The following TMEM132D variants were observed in gnomAD, a reference collection of about 807,000 sequenced individuals.
TMEM132D encodes mature OL transmembrane protein.
In TMEM132D, 21 loss-of-function variants were observed where a neutral mutation model predicts 62.3. The observed-to-expected ratio is 0.34, with a 90% CI of 0.24 to 0.49. The LOEUF (loss-of-function observed/expected upper bound fraction) is 0.49. TMEM132D is among the 20% of genes least tolerant of loss of function. The pLI is 0.99. For synonymous variants in TMEM132D, 621 were observed against 575.6 expected, an observed-to-expected ratio of 1.08 and a Z score of -1.13; for missense variants, 1,346 against 1,402.8, an observed-to-expected ratio of 0.96 and a Z score of 0.65.
chr12:129,616,480 C>G (rs1398482839), intron 2 of TMEM132D, among the ~76,000 whole-genome samples: 1 of 152,114 alleles, frequency 6.6e-6, no homozygotes, highest in Non-Finnish European at 1.5e-5. Flanking sequence ...TGTTCCCACC[C>G]AAATCTCATC....
At chr12:129,851,880 T>A (rs1183024003) in intron 1 of TMEM132D, among the ~76,000 whole-genome samples, 1 of 152,240 alleles carries the variant, frequency 6.6e-6, no homozygotes, top group African/African-American at 2.4e-5. Context: ...AAACTTTGTG[T>A]TTGCCCACCA....
At chr12:129,208,132 A>G (rs986565437) in intron 5 of TMEM132D, among the ~76,000 whole-genome samples, 1 of 152,108 alleles carries the variant, frequency 6.6e-6, no homozygotes, top group African/African-American at 2.4e-5. Flanking sequence ...AGAGGAGGTA[A>G]GGACAGGCCC....
intron 3 of TMEM132D, among the ~76,000 whole-genome samples, chr12:129,358,207 T>G (rs1031832989): frequency 6.6e-6 from 1 of 152,246 alleles, no homozygotes; most frequent in Non-Finnish European, 1.5e-5. Context: ...CAAGTCGTGC[T>G]GCACATCTTC....
At chr12:129,566,006 A>G (rs993054825) in intron 2 of TMEM132D, among the ~76,000 whole-genome samples, 2 of 152,236 alleles carry the variant, frequency 1.3e-5, no homozygotes, top group African/African-American at 4.8e-5. Context: ...CAAAATGCGT[A>G]TAGCACTATA....
intron 7 of TMEM132D, among the ~76,000 whole-genome samples, chr12:129,081,423 C>T (rs1008385001): frequency 6.6e-6 from 1 of 152,114 alleles, no homozygotes; most frequent in Non-Finnish European, 1.5e-5. Context: ...CTCAGCCTCC[C>T]GAGTAGCTGG....
rs1205363936 is a variant in TMEM132D at position 129,574,024 on chromosome 12, G to A, written c.969-42819C>T. The stretch of plus-strand genomic sequence containing the variant: ...TCTTTGTCTCAATCAGAGCTTGCAT[G>A]TGTTGGAACTCATCAATTGGTACAT... On this transcript the variant is annotated intron_variant, in intron 2 of 8. Transcript: ENST00000422113. Among the ~76,000 whole-genome samples the A allele has an allele frequency of 3.9e-5, 6 of 151,940 alleles. No homozygotes were observed. The East Asian group carries it at 9.6e-4, about 24-fold the overall frequency.
chr12:129,081,528 G>A lies in TMEM132D; in HGVS notation c.1923+231C>T, dbSNP rs1181622121. 2.6e-5 allele frequency among the ~76,000 whole-genome samples: 4 copies of A among 152,066 alleles called. No homozygotes were observed. The East Asian group carries it at 7.7e-4, about 29-fold the overall frequency. On this transcript the variant is annotated intron_variant, in intron 7 of 8. Transcript: ENST00000422113. ...TTACCCAGGCTAATCGCAAACTACT[G>A]AGCTCATGACCTGCCCGCCTCGGCC...
At chr12:129,157,410 C>G (rs1877279228) in intron 5 of TMEM132D, among the ~76,000 whole-genome samples, 2 of 152,232 alleles carry the variant, frequency 1.3e-5, no homozygotes, top group Non-Finnish European at 1.5e-5. Context: ...GATTCACCTG[C>G]CTCAGTACAT....
chr12:129,234,413 T>C (rs1268615311), intron 4 of TMEM132D, among the ~76,000 whole-genome samples: 1 of 152,236 alleles, frequency 6.6e-6, no homozygotes. Flanking sequence ...GCTAAATAGC[T>C]AATCTTTTCA....
chr12:129,424,632 C>T (rs377023356), intron 3 of TMEM132D, among the ~76,000 whole-genome samples: 3 of 135,732 alleles, frequency 2.2e-5, no homozygotes, highest in East Asian at 4.7e-4. Context: ...GGCGTGAACC[C>T]GGGAGGCGGA....
At chr12:129,174,463 T>C (rs991588446) in intron 5 of TMEM132D, among the ~76,000 whole-genome samples, 2 of 152,230 alleles carry the variant, frequency 1.3e-5, no homozygotes, top group African/African-American at 2.4e-5. Flanking sequence ...CAAATTTTCT[T>C]TATCCAGTCT....
chr12:129,568,413 C>G (rs998312859), intron 2 of TMEM132D, among the ~76,000 whole-genome samples: 10 of 152,214 alleles, frequency 6.6e-5, no homozygotes, highest in African/African-American at 2.4e-4. Context: ...TTCTTGGGAG[C>G]AGACATACCC....
chr12:129,085,708 C>CT (rs1346850001), intron 5 of TMEM132D: 2 of 152,346 alleles, frequency 1.3e-5, no homozygotes, highest in South Asian at 2.1e-4. Flanking sequence ...CTATGTTCCT[C>CT]TACCAGGAAG....
Position 129,699,897 on chromosome 12 carries a change from T to C in TMEM132D, c.881A>G (p.Tyr294Cys), listed in dbSNP as rs2137225378. ...LRLDNSVAIH[Y>C]IPKTVRKGDV... ...TCCTTTCCTCACGGTCTTTGGTATATAGTGGATGGCCACGCTGTTGTCCAG... is the reference window on the plus strand; with the variant it reads ...TCCTTTCCTCACGGTCTTTGGTATACAGTGGATGGCCACGCTGTTGTCCAG... The change falls in exon 2 of 9, where the codon TAT (tyrosine) becomes TGT (cysteine). Residue 294 changes from tyrosine (Y) to cysteine (C), a missense_variant. By Grantham distance (194) the Tyr-to-Cys change is radical. Coordinates refer to ENST00000422113, the MANE Select transcript of TMEM132D (RefSeq NM_133448.3). The C allele has an allele frequency of 6.2e-7, 1 of 1,614,166 alleles. No homozygotes were observed. The highest frequency in any genetic ancestry group is 8.5e-7 in the Non-Finnish European group (1 of 1,180,034).
At chr12:129,327,965 C>T (rs988204761) in intron 4 of TMEM132D, among the ~76,000 whole-genome samples, 8 of 152,218 alleles carry the variant, frequency 5.3e-5, no homozygotes, top group African/African-American at 1.4e-4. Flanking sequence ...CACTCACTAT[C>T]TCCAGTTGCA....
chr12:129,891,330 GGGCAAA>G (rs1474993962), intron 1 of TMEM132D, among the ~76,000 whole-genome samples: 3 of 152,062 alleles, frequency 2.0e-5, no homozygotes, highest in Non-Finnish European at 4.4e-5. Flanking sequence ...ACTCATCTCG[GGGCAAA>G]GGACCACACT....
chr12:129,459,085 C>A (rs1005161913), intron 3 of TMEM132D, among the ~76,000 whole-genome samples: 2 of 152,166 alleles, frequency 1.3e-5, no homozygotes, highest in Non-Finnish European at 2.9e-5. Flanking sequence ...ACCAGGAACA[C>A]TTCTTCCCTC....
intron 5 of TMEM132D, among the ~76,000 whole-genome samples, chr12:129,189,874 T>C (rs1448841791): frequency 6.6e-6 from 1 of 152,054 alleles, no homozygotes; most frequent in Non-Finnish European, 1.5e-5. Flanking sequence ...GCTGATGGAA[T>C]TGGAGTCGCT....
chr12:129,561,820 T>A (rs888122915), intron 2 of TMEM132D, among the ~76,000 whole-genome samples: 58 of 152,196 alleles, frequency 3.8e-4, no homozygotes, highest in African/African-American at 1.3e-3. Context: ...TCAGGAGGTT[T>A]TCAGAAATAA....
Sources: allele counts gnomAD v4.1 joint callset (sites outside exome capture counted in the v4.1 genomes callset), GRCh38; gene constraint gnomAD v4.1.1; transcripts MANE v1.5; gene names NCBI Gene and HGNC (gene_info 2026-07-23, HGNC 2026-07-21).